PSD3: variants seen among roughly 807,000 people sequenced by gnomAD.
PSD3 encodes the protein PH and SEC7 domain-containing protein 3.
Under a neutral mutation model 105.5 loss-of-function variants are expected in PSD3, and 49 were observed. That is an observed-to-expected ratio of 0.46 (90% CI 0.37 to 0.59). The LOEUF (loss-of-function observed/expected upper bound fraction) is 0.59. Among genes scored for constraint, PSD3 ranks in the 20% least tolerant of loss-of-function variants. The pLI is 0.00. For missense variants in PSD3, 1,561 were observed against 1,263.8 expected, an observed-to-expected ratio of 1.24 and a Z score of -3.57; for synonymous variants, 557 against 457.8, an observed-to-expected ratio of 1.22 and a Z score of -2.77.
chr8:18,745,522 C>T (rs762590261), intron 9 of PSD3, among the ~76,000 whole-genome samples: 1 of 152,228 alleles, frequency 6.6e-6, no homozygotes, highest in African/African-American at 2.4e-5. Flanking sequence ...TGAGCACTTA[C>T]TTTCTGGCAC....
chr8:18,666,369 A>C (rs1321980184), intron 9 of PSD3, among the ~76,000 whole-genome samples: 1 of 152,186 alleles, frequency 6.6e-6, no homozygotes, highest in Non-Finnish European at 1.5e-5. Flanking sequence ...ATAACTTCTA[A>C]ATGCATACGG....
At chr8:18,658,492 T>C (rs1809063489) in intron 9 of PSD3, among the ~76,000 whole-genome samples, 1 of 151,852 alleles carries the variant, frequency 6.6e-6, no homozygotes, top group African/African-American at 2.4e-5. Flanking sequence ...TCTGCTGTTG[T>C]ACATGAAAAT....
chr8:18,905,690 T>C (rs564432837), intron 2 of PSD3, among the ~76,000 whole-genome samples: 1 of 152,342 alleles, frequency 6.6e-6, no homozygotes, highest in East Asian at 1.9e-4. Flanking sequence ...CATAATTTCA[T>C]ACTGTCTTCC....
chr8:18,642,510 T>A (rs76677202), intron 10 of PSD3, among the ~76,000 whole-genome samples: 3 of 152,134 alleles, frequency 2.0e-5, no homozygotes, highest in African/African-American at 7.2e-5. Flanking sequence ...ATATAGAGGA[T>A]ATAAGATTCT....
At chr8:19,035,250 T>C (rs1290165835) in intron 1 of PSD3, among the ~76,000 whole-genome samples, 1 of 152,194 alleles carries the variant, frequency 6.6e-6, no homozygotes, top group African/African-American at 2.4e-5. Flanking sequence ...AACTGAATTA[T>C]GTTTCAGGAA....
intron 1 of PSD3, among the ~76,000 whole-genome samples, chr8:19,005,244 A>G (rs1189273238): frequency 6.6e-6 from 1 of 152,084 alleles, no homozygotes; most frequent in Non-Finnish European, 1.5e-5. Flanking sequence ...CATCTAGTCA[A>G]TGGCATACTA....
At chr8:18,917,933 G>A (rs1442242022) in intron 2 of PSD3, among the ~76,000 whole-genome samples, 1 of 152,066 alleles carries the variant, frequency 6.6e-6, no homozygotes, top group Non-Finnish European at 1.5e-5. Context: ...GGGCGTGTGT[G>A]TTTATGTATT....
rs555066889 is a variant in PSD3, at chr8:18,837,879, C to G, written c.1634+29795G>C. 7.2e-5 allele frequency among the ~76,000 whole-genome samples: 11 copies of G among 152,194 alleles called. No individual in the cohort carries two copies. The East Asian group carries it at 2.1e-3, about 29-fold the overall frequency. On this transcript the variant is annotated intron_variant, in intron 4 of 15. Coordinates refer to ENST00000327040, the MANE Select transcript of PSD3 (RefSeq NM_015310.4). ...TGAATTAAGAACAAGGATGGCTGTTCACTAATCTCAATCAGACCCATGATT... is the reference window on the plus strand; with the variant it reads ...TGAATTAAGAACAAGGATGGCTGTTGACTAATCTCAATCAGACCCATGATT...
chr8:18,588,443 A>G (rs963502002), intron 12 of PSD3, among the ~76,000 whole-genome samples: 1 of 152,192 alleles, frequency 6.6e-6, no homozygotes, highest in Non-Finnish European at 1.5e-5. Context: ...ACTGGTTATT[A>G]AACATGGCCA....
At chr8:18,718,540 A>T (rs2129425317) in intron 9 of PSD3, among the ~76,000 whole-genome samples, 1 of 152,350 alleles carries the variant, frequency 6.6e-6, no homozygotes, top group East Asian at 1.9e-4. Flanking sequence ...ATGCATTTTT[A>T]AAACTTTACA....
chr8:18,996,502 C>T (rs922260956), intron 1 of PSD3, among the ~76,000 whole-genome samples: 5 of 151,840 alleles, frequency 3.3e-5, no homozygotes, highest in African/African-American at 1.2e-4. Flanking sequence ...TGAAAAAAAT[C>T]AACAGCATTA....
intron 9 of PSD3, among the ~76,000 whole-genome samples, chr8:18,757,284 C>A (rs1270222098): frequency 6.7e-6 from 1 of 149,800 alleles, no homozygotes; most frequent in African/African-American, 2.5e-5. Context: ...AAAACCCTGT[C>A]TCTACCAAAA....
chr8:18,791,610 C>G (rs993431684), intron 8 of PSD3, among the ~76,000 whole-genome samples: 5 of 152,004 alleles, frequency 3.3e-5, no homozygotes, highest in African/African-American at 1.2e-4. Flanking sequence ...ATGTGAAACC[C>G]AAAACCAATA....
exon 1 of PSD3, chr8:19,084,601 G>T (rs1187072951): frequency 8.5e-6 from 3 of 354,494 alleles, no homozygotes; most frequent in Non-Finnish European, 1.7e-5. Flanking sequence ...GCAGGGGCCT[G>T]GCAATGCCTG....
intron 1 of PSD3, among the ~76,000 whole-genome samples, chr8:18,972,789 T>C (rs1378538954): frequency 1.3e-5 from 2 of 152,236 alleles, no homozygotes; most frequent in African/African-American, 4.8e-5. Flanking sequence ...CCTCCAGGAC[T>C]GTGAGACACA....
At chr8:18,706,427 C>T (rs1269772508) in intron 9 of PSD3, among the ~76,000 whole-genome samples, 2 of 151,960 alleles carry the variant, frequency 1.3e-5, no homozygotes, top group African/African-American at 4.8e-5. Context: ...AACCTTAAAA[C>T]AACAGGATAG....
chr8:18,750,294 T>C (rs536575871), intron 9 of PSD3, among the ~76,000 whole-genome samples: 1 of 152,098 alleles, frequency 6.6e-6, no homozygotes, highest in East Asian at 1.9e-4. Context: ...CCTTCTGATG[T>C]TCAGATGTGT....
chr8:18,643,112 G>C (rs556870159), intron 10 of PSD3, among the ~76,000 whole-genome samples: 1 of 152,320 alleles, frequency 6.6e-6, no homozygotes, highest in Admixed American at 6.5e-5. Context: ...CAGTTCTGGA[G>C]ACTGGGAAGT....
Position 18,804,434 on chromosome 8 carries a change from AT to A in PSD3, c.1910+87del, listed in dbSNP as rs1026507440. The A allele has an allele frequency of 6.6e-5, 76 of 1,155,146 alleles. No homozygotes were observed. The African/African-American group carries it at 6.9e-4, about 10-fold the overall frequency. The allele number at this position is 1,155,146 out of a possible 1,614,324, so 71.6% of individuals were successfully genotyped here. ...ATACATGGAGGTTTAAAAAAAAAAA[AT>A]AAGATTCTAGCTAGAAGACATTACT... On this transcript the variant is annotated intron_variant, in intron 6 of 15. Coordinates refer to ENST00000327040, the MANE Select transcript of PSD3 (RefSeq NM_015310.4).
Sources: allele counts gnomAD v4.1 joint callset (sites outside exome capture counted in the v4.1 genomes callset), GRCh38; gene constraint gnomAD v4.1.1; transcripts MANE v1.5; gene names NCBI Gene and HGNC (gene_info 2026-07-23, HGNC 2026-07-21).